Variants in CYYR1 observed in about 807,000 individuals in gnomAD.
CYYR1 encodes cysteine and tyrosine rich 1.
CYYR1 carries 14 observed loss-of-function variants against 15.2 expected under a neutral mutation model. The observed-to-expected ratio is 0.92, with a 90% CI of 0.61 to 1.44. The LOEUF (loss-of-function observed/expected upper bound fraction) is 1.44. Ranked by LOEUF, CYYR1 falls within the 40% of genes most tolerant of loss-of-function variation. The pLI, the probability that CYYR1 is intolerant of heterozygous loss-of-function variation, is 0.00. For synonymous variants in CYYR1, 80 were observed against 77.4 expected (o/e 1.03, Z -0.18); for missense variants, 228 against 209.5 (o/e 1.09, Z -0.54).
intron 3 of CYYR1, among the ~76,000 whole-genome samples, chr21:26,472,734 T>A (rs2065051493): frequency 6.6e-6 from 1 of 152,148 alleles, no homozygotes; most frequent in African/African-American, 2.4e-5. Context: ...AATGGTTTAT[T>A]ATATAATTTT....
intron 2 of CYYR1, among the ~76,000 whole-genome samples, chr21:26,537,142 A>G (rs896907816): frequency 6.6e-6 from 1 of 152,106 alleles, no homozygotes; most frequent in African/African-American, 2.4e-5. Flanking sequence ...GGAGCATAGG[A>G]GTAAATATAG....
chr21:26,475,584 C>T (rs2830246), intron 3 of CYYR1, among the ~76,000 whole-genome samples: 19,545 of 152,090 alleles, frequency 0.13, 1,398 homozygotes, highest in Admixed American at 0.21. Context: ...GCACTACTAT[C>T]TGGATTTCTC....
chr21:26,543,933 A>T (rs1200469909), intron 2 of CYYR1, among the ~76,000 whole-genome samples: 1 of 151,848 alleles, frequency 6.6e-6, no homozygotes, highest in Non-Finnish European at 1.5e-5. Flanking sequence ...ATAAATAAAT[A>T]AAATAAAATA....
intron 2 of CYYR1, among the ~76,000 whole-genome samples, chr21:26,509,830 C>T (rs913031200): frequency 1.3e-5 from 2 of 152,172 alleles, no homozygotes; most frequent in African/African-American, 4.8e-5. Flanking sequence ...AGAGCTAGTA[C>T]CATGATCTCA....
At chr21:26,530,626 C>T in intron 2 of CYYR1, among the ~76,000 whole-genome samples, 1 of 152,046 alleles carries the variant, frequency 6.6e-6, no homozygotes, top group South Asian at 2.1e-4. Flanking sequence ...CCCAACCCCT[C>T]GACAGGCCCC....
At chr21:26,565,202 G>A (rs1293106278) in intron 2 of CYYR1, among the ~76,000 whole-genome samples, 1 of 151,968 alleles carries the variant, frequency 6.6e-6, no homozygotes, top group Non-Finnish European at 1.5e-5. Flanking sequence ...TCTCTAATAG[G>A]AGCCTCAACA....
At position 26,494,448 on chromosome 21, in the gene CYYR1, G is replaced by A. The variant is rs142275958; in HGVS notation, c.177-14019C>T. ...TAAGCAACAATCTCAAGTCTGTGGA[G>A]ATGTAATAATTATCAAGGTAATATT... On this transcript the variant is annotated intron_variant, in intron 2 of 3. Coordinates refer to ENST00000652641, the MANE Select transcript of CYYR1 (RefSeq NM_001320768.2). Among the ~76,000 whole-genome samples the A allele has an allele frequency of 4.6e-5, 7 of 152,226 alleles. No homozygotes were observed. In the East Asian group the frequency reaches 1.3e-3, roughly 29 times the overall value.
At chr21:26,552,784 C>T (rs1432888198) in intron 2 of CYYR1, among the ~76,000 whole-genome samples, 1 of 151,980 alleles carries the variant, frequency 6.6e-6, no homozygotes, top group African/African-American at 2.4e-5. Flanking sequence ...TTAACCTTTC[C>T]CCTCCTGTGC....
intron 2 of CYYR1, among the ~76,000 whole-genome samples, chr21:26,540,119 C>T (rs1038736817): frequency 2.0e-5 from 3 of 152,130 alleles, no homozygotes; most frequent in African/African-American, 7.2e-5. Flanking sequence ...ATGAGTTCTT[C>T]AAAAGGATGT....
intron 2 of CYYR1, among the ~76,000 whole-genome samples, chr21:26,549,333 A>G (rs1979212753): frequency 6.6e-6 from 1 of 152,222 alleles, no homozygotes; most frequent in Non-Finnish European, 1.5e-5. Context: ...TAAAAAGTTT[A>G]ATGAATTTTT....
intron 2 of CYYR1, among the ~76,000 whole-genome samples, chr21:26,535,925 G>A (rs540695660): frequency 1.3e-5 from 2 of 152,304 alleles, no homozygotes; most frequent in South Asian, 4.1e-4. Context: ...GTATTAGTCT[G>A]TTTTCACGTT....
chr21:26,535,224 A>G (rs2065980303), intron 2 of CYYR1, among the ~76,000 whole-genome samples: 1 of 152,194 alleles, frequency 6.6e-6, no homozygotes, highest in Non-Finnish European at 1.5e-5. Flanking sequence ...CCATGTAACA[A>G]ACCTGCATAT....
In CYYR1 at chr21:26,468,611, C is replaced by T. The variant is rs371412046; in HGVS notation, c.358G>A (p.Asp120Asn). Residue 120 changes from aspartate (D) to asparagine (N), a missense_variant, in exon 4 of 4, where the codon GAC (aspartate) becomes AAC (asparagine). Transcript: ENST00000652641. ...YPAGPPPYGH[D>N]HEMEYCADLP... ...TCTGCACAGTATTCCATCTCGTGGT[C>T]GTGACCGTAGGGTGGTGGTCCTGCT... The T allele has an allele frequency of 6.8e-5, 109 of 1,610,822 alleles. 1 individual carries two copies. Among genetic ancestry groups the T allele is most frequent in the Middle Eastern group, 5.0e-4 (3 of 6,002 alleles).
intron 1 of CYYR1, 80 bp downstream of exon 1, chr21:26,572,788 G>T (rs113151255): frequency 1.0e-5 from 16 of 1,552,584 alleles, no homozygotes; most frequent in Non-Finnish European, 1.3e-5. Flanking sequence ...GGTCCGTCCA[G>T]CTCAACCCAC....
chr21:26,488,418 C>T (rs2065282061), intron 2 of CYYR1, among the ~76,000 whole-genome samples: 1 of 151,956 alleles, frequency 6.6e-6, no homozygotes, highest in African/African-American at 2.4e-5. Context: ...CCATTACCAG[C>T]TAATTTTGTA....
chr21:26,551,785 C>T (rs980508892), intron 2 of CYYR1: 2 of 260,978 alleles, frequency 7.7e-6, no homozygotes, highest in Admixed American at 4.1e-5. Flanking sequence ...GAAATGACAA[C>T]AAAGGATTTA....
At chr21:26,541,240 C>T (rs1978530004) in intron 2 of CYYR1, among the ~76,000 whole-genome samples, 1 of 151,960 alleles carries the variant, frequency 6.6e-6, no homozygotes, top group Admixed American at 6.6e-5. Flanking sequence ...TAAAAATTTC[C>T]CCCATTTTAC....
chr21:26,573,034 T>A lies in CYYR1; in HGVS notation c.-94A>T, dbSNP rs1981114740. The A allele has an allele frequency of 6.2e-7, 1 of 1,601,422 alleles. No homozygotes were observed. Among genetic ancestry groups the A allele is most frequent in the Non-Finnish European group, 8.5e-7 (1 of 1,174,412 alleles). Reference sequence around the variant, plus strand: ...GGCGATCAGATGGAGAGAGCAGCGCTCCTGAGAGCCGGGTGGAGCAGAGAC... The same window carrying A: ...GGCGATCAGATGGAGAGAGCAGCGCACCTGAGAGCCGGGTGGAGCAGAGAC... On this transcript the variant is annotated 5_prime_UTR_variant, in exon 1 of 4. Transcript: ENST00000652641.
At chr21:26,571,166 C>T (rs560900325) in intron 1 of CYYR1, among the ~76,000 whole-genome samples, 1 of 152,326 alleles carries the variant, frequency 6.6e-6, no homozygotes, top group Non-Finnish European at 1.5e-5. Context: ...CCTCTTACGG[C>T]TCAACATACC....
Sources: allele counts gnomAD v4.1 joint callset (sites outside exome capture counted in the v4.1 genomes callset), GRCh38; gene constraint gnomAD v4.1.1; transcripts MANE v1.5; gene names NCBI Gene and HGNC (gene_info 2026-07-23, HGNC 2026-07-21).